Variants in MINK1 observed in about 807,000 individuals in gnomAD.
MINK1 encodes the protein misshapen-like kinase 1.
A neutral mutation model predicts 178.4 loss-of-function variants in MINK1; 46 were observed. The ratio of observed to expected loss-of-function variants is 0.26; its 90% confidence interval spans 0.20 to 0.33. MINK1 has a LOEUF of 0.33. Among genes scored for constraint, MINK1 ranks in the 10% least tolerant of loss-of-function variants. The pLI, the probability that MINK1 is intolerant of heterozygous loss-of-function variation, is 1.00. For missense variants in MINK1, 1,366 were observed against 1,814.9 expected, an observed-to-expected ratio of 0.75 and a Z score of 4.49; for synonymous variants, 797 against 709.7, an observed-to-expected ratio of 1.12 and a Z score of -1.96.
chr17:4,853,549 A>G (rs1462698899), intron 1 of MINK1, among the ~76,000 whole-genome samples: 1 of 151,938 alleles, frequency 6.6e-6, no homozygotes, highest in Non-Finnish European at 1.5e-5. Context: ...TCACCTTGAC[A>G]AACATTTCAC....
In MINK1 at chr17:4,881,257, G is replaced by A; in HGVS notation, c.306G>A (p.Trp102Ter). ...CCCCGGGAAACGATGACCAGCTCTG[G>A]GTGAGAAACGCCCCCCTGCCCGCCT... The part of the protein sequence containing the change: ...KSPPGNDDQL[W>*]LVMEFCGAGS... Residue 102 changes from tryptophan to a stop codon, truncating the protein, a stop_gained and splice_region_variant, in exon 4 of 32, where the codon TGG becomes TGA. Transcript: ENST00000355280. LOFTEE classifies it high-confidence loss of function. 6.5e-7 allele frequency: 1 copy of A among 1,536,964 alleles called. No homozygotes were observed. The highest frequency in any genetic ancestry group is 8.7e-7 in the Non-Finnish European group (1 of 1,146,824).
intron 1 of MINK1, among the ~76,000 whole-genome samples, chr17:4,858,932 T>C (rs1913650964): frequency 6.6e-6 from 1 of 152,174 alleles, no homozygotes; most frequent in African/African-American, 2.4e-5. Context: ...GCCTCACAGC[T>C]AGCTGACTCT....
At chr17:4,873,617 CTTTTTTTT>C (rs71367860) in intron 1 of MINK1, among the ~76,000 whole-genome samples, 1 of 108,086 alleles carries the variant, frequency 9.3e-6, no homozygotes, top group African/African-American at 3.6e-5. Context: ...TTTTTCTTTT[CTTTTTTTT>C]TTTTTTTTTT....
At chr17:4,893,704 C>T in intron 21 of MINK1, 107 bp downstream of exon 21, 4 of 1,405,752 alleles carry the variant, frequency 2.8e-6, no homozygotes, top group Non-Finnish European at 3.8e-6. Context: ...GAGAGCGGCT[C>T]CCTTCTCTAG....
chr17:4,839,813 G>T (rs1293044180), intron 1 of MINK1, among the ~76,000 whole-genome samples: 1 of 152,220 alleles, frequency 6.6e-6, no homozygotes, highest in Non-Finnish European at 1.5e-5. Flanking sequence ...GCCTGAGGTT[G>T]TACGTGCTAC....
Position 4,880,992 on chromosome 17 carries a change from T to C in MINK1, c.132T>C (p.His44=), listed in dbSNP as rs1967652880. ...ATCCCTCTGTCCCGCAGGGTCGGCA[T>C]GTCAAGACGGGGCAGCTGGCTGCCA... ...GTYGQVYKGR[H]VKTGQLAAIK... The change falls in exon 3 of 32, where the codon CAT becomes CAC. Residue 44 remains histidine (H), a synonymous_variant. Coordinates refer to ENST00000355280, the MANE Select transcript of MINK1 (RefSeq NM_153827.5). The C allele has an allele frequency of 1.3e-6, 2 of 1,518,792 alleles. No individual in the cohort carries two copies. Among genetic ancestry groups the C allele is most frequent in the Non-Finnish European group, 1.8e-6 (2 of 1,137,474 alleles). 94.1% of individuals were successfully genotyped at this position (1,518,792 alleles called of 1,614,324 possible).
At chr17:4,838,968 C>G (rs548723443) in intron 1 of MINK1, among the ~76,000 whole-genome samples, 9 of 150,804 alleles carry the variant, frequency 6.0e-5, no homozygotes, top group South Asian at 4.2e-4. Context: ...TTTTGAGACG[C>G]AGTCTCGCAC....
chr17:4,863,371 A>G (rs1169049870), intron 1 of MINK1, among the ~76,000 whole-genome samples: 1 of 152,130 alleles, frequency 6.6e-6, no homozygotes, highest in East Asian at 1.9e-4. Context: ...TTGACTCTCC[A>G]TGCACTCTTT....
rs753277360 is a variant in MINK1, at chr17:4,896,135, G to A, written c.3465+32G>A. 12 of 1,606,576 alleles carry A rather than the reference G, an allele frequency of 7.5e-6. No homozygotes were observed. In the African/African-American group the frequency reaches 1.2e-4, roughly 16 times the overall value. On this transcript the variant is annotated intron_variant, in intron 28 of 31. Coordinates refer to ENST00000355280, the MANE Select transcript of MINK1 (RefSeq NM_153827.5). The surrounding 1 kb of genome is among the most constrained non-coding windows in gnomAD (Gnocchi z 4.6). ...CCAGCCTCGGTCCCTAACACCATCTGGAGTCCCAGCGCCTCTCCCCGTGCC... is the reference window on the plus strand; with the variant it reads ...CCAGCCTCGGTCCCTAACACCATCTAGAGTCCCAGCGCCTCTCCCCGTGCC...
chr17:4,892,705 G>A lies in MINK1; in HGVS notation c.2248G>A (p.Val750Ile), dbSNP rs549182164. 145 of 1,612,050 alleles carry A rather than the reference G, an allele frequency of 9.0e-5. 1 individual carries two copies. Among genetic ancestry groups the A allele is most frequent in the South Asian group, 7.4e-4 (67 of 90,988 alleles). Residue 750 changes from valine to isoleucine, a missense_variant, in exon 19 of 32, where the codon GTC (valine) becomes ATC (isoleucine). Val to Ile is a conservative substitution (Grantham distance 29, BLOSUM62 3). Transcript: ENST00000355280. ...CCCTGGCTGGGAACGCTCGGACAGC[G>A]TCCTTCCAGCCTCTCACGGGCACCT... ...SDPGWERSDS[V>I]LPASHGHLPQ...
At chr17:4,881,106 G>C in intron 3 of MINK1, 26 bp from the exon 4 acceptor site, 2 of 1,537,012 alleles carry the variant, frequency 1.3e-6, no homozygotes, top group Non-Finnish European at 8.7e-7. Context: ...GGGAGTCTCA[G>C]GGCTCAGCTC....
At chr17:4,855,485 CAA>C (rs151339855) in intron 1 of MINK1, among the ~76,000 whole-genome samples, 17 of 92,398 alleles carry the variant, frequency 1.8e-4, no homozygotes, top group Admixed American at 5.3e-4. Flanking sequence ...GACTCCATCT[CAA>C]AAAAAAAAAA....
Position 4,887,609 on chromosome 17 carries a change from C to A in MINK1, c.1049C>A (p.Thr350Asn). 6.4e-7 allele frequency: 1 copy of A among 1,560,248 alleles called. No homozygotes were observed. The highest frequency in any genetic ancestry group is 1.2e-5 in the South Asian group (1 of 83,460). ...SSIMNVPGES[T>N]LRREFLRLQQ... ...ATCATGAACGTGCCTGGAGAGTCGACTCTACGCCGGGAGTTTCTCCGGCTC... is the reference window on the plus strand; with the variant it reads ...ATCATGAACGTGCCTGGAGAGTCGAATCTACGCCGGGAGTTTCTCCGGCTC... Residue 350 changes from threonine to asparagine, a missense_variant, in exon 12 of 32, where the codon ACT becomes AAT. Coordinates refer to ENST00000355280, the MANE Select transcript of MINK1 (RefSeq NM_153827.5). The surrounding 1 kb of genome is among the most constrained non-coding windows in gnomAD (Gnocchi z 7.6).
chr17:4,865,637 C>A (rs1914840965), intron 1 of MINK1, among the ~76,000 whole-genome samples: 1 of 150,116 alleles, frequency 6.7e-6, no homozygotes, highest in Admixed American at 6.7e-5. Context: ...GTAATCTCAG[C>A]ACTTTGGAAG....
chr17:4,869,466 G>A (rs8077447), intron 1 of MINK1, among the ~76,000 whole-genome samples: 20,159 of 150,802 alleles, frequency 0.13, 1,618 homozygotes, highest in African/African-American at 0.24. Context: ...ATAGAGACAC[G>A]GGGTCTCGCC....
chr17:4,888,680 A>G (rs1044805658), intron 12 of MINK1, among the ~76,000 whole-genome samples: 6 of 143,366 alleles, frequency 4.2e-5, no homozygotes, highest in African/African-American at 1.6e-4. Flanking sequence ...GTATAGTAAC[A>G]AAGTCCTATC....
Position 4,897,371 on chromosome 17 carries a change from C to G in MINK1, c.*84C>G. 7.6e-7 allele frequency: 1 copy of G among 1,307,322 alleles called. No homozygotes were observed. Among genetic ancestry groups the G allele is most frequent in the Non-Finnish European group, 1.1e-6 (1 of 919,998 alleles). The allele number at this position is 1,307,322 out of a possible 1,614,324, so 81.0% of individuals were successfully genotyped here. On this transcript the variant is annotated 3_prime_UTR_variant, in exon 32 of 32. Transcript: ENST00000355280. ...TTCCCGGGCCGCCCCTCTTTCCCCT[C>G]CCTGGGCTTTTGCTTTTACTGGTTT...
intron 15 of MINK1, 70 bp downstream of exon 15, chr17:4,891,194 A>ACGCG (rs749244980): frequency 3.3e-4 from 351 of 1,068,362 alleles, no homozygotes; most frequent in Non-Finnish European, 4.3e-4. Flanking sequence ...GTACACACAC[A>ACGCG]CGCGCGCACA....
chr17:4,840,752 G>A (rs1343890890), intron 1 of MINK1, among the ~76,000 whole-genome samples: 2 of 152,188 alleles, frequency 1.3e-5, no homozygotes, highest in Non-Finnish European at 2.9e-5. Flanking sequence ...AAGGATGAGT[G>A]GGGTGTGGAG....
Sources: gnomAD v4.1 joint callset for allele counts (sites outside exome capture counted in the v4.1 genomes callset) on GRCh38, gnomAD v4.1.1 for gene constraint, Gnocchi (gnomAD v3.1) non-coding constraint, MANE v1.5 for transcripts, NCBI Gene and HGNC (gene_info 2026-07-23, HGNC 2026-07-21) for gene names.